The following AGBL4 variants were observed in gnomAD, a reference collection of about 807,000 sequenced individuals.
AGBL4 encodes cytosolic carboxypeptidase 6.
A neutral mutation model predicts 66.4 loss-of-function variants in AGBL4; 58 were observed. The observed-to-expected ratio is 0.87, with a 90% CI of 0.71 to 1.09. AGBL4 has a LOEUF of 1.09. Among genes scored for constraint, AGBL4 ranks in the 50% least tolerant of loss-of-function variants. The pLI, the probability that AGBL4 is intolerant of heterozygous loss-of-function variation, is 0.00. For synonymous variants in AGBL4, 234 were observed against 222.9 expected (o/e 1.05, Z -0.44); for missense variants, 579 against 631.0 (o/e 0.92, Z 0.88).
chr1:49,568,122 AT>A (rs1237731362), intron 3 of AGBL4, among the ~76,000 whole-genome samples: 5 of 152,090 alleles, frequency 3.3e-5, no homozygotes, highest in African/African-American at 1.2e-4. Flanking sequence ...CCTAGATAGT[AT>A]TGGAATACCT....
intron 3 of AGBL4, among the ~76,000 whole-genome samples, chr1:49,674,931 G>T (rs914937621): frequency 6.6e-6 from 1 of 152,132 alleles, no homozygotes; most frequent in African/African-American, 2.4e-5. Flanking sequence ...TTTGTAATGA[G>T]CTTTTGACAT....
intron 3 of AGBL4, among the ~76,000 whole-genome samples, chr1:49,652,837 C>G (rs1646036255): frequency 1.3e-5 from 2 of 152,140 alleles, no homozygotes; most frequent in Admixed American, 1.3e-4. Flanking sequence ...GAGAGAAGCT[C>G]CTAGGAAGAG....
At chr1:49,183,218 C>T (rs758024968) in intron 4 of AGBL4, among the ~76,000 whole-genome samples, 5 of 152,040 alleles carry the variant, frequency 3.3e-5, no homozygotes, top group Non-Finnish European at 5.9e-5. Flanking sequence ...AGACGGAATT[C>T]GAGGAGAGAC....
At chr1:49,710,205 G>A (rs1356511543) in intron 2 of AGBL4, among the ~76,000 whole-genome samples, 1 of 152,108 alleles carries the variant, frequency 6.6e-6, no homozygotes. Context: ...GCCCATCAAT[G>A]GTAGACTGGA....
intron 3 of AGBL4, among the ~76,000 whole-genome samples, chr1:49,460,965 T>C (rs1223079766): frequency 6.6e-6 from 1 of 151,760 alleles, no homozygotes; most frequent in Non-Finnish European, 1.5e-5. Flanking sequence ...CTGAGAAATC[T>C]GCTGTTAATC....
chr1:49,149,460 A>C (rs1646283700), intron 4 of AGBL4, among the ~76,000 whole-genome samples: 1 of 152,174 alleles, frequency 6.6e-6, no homozygotes, highest in Non-Finnish European at 1.5e-5. Context: ...GGCAGTTAAC[A>C]TTGTGCAGTG....
At chr1:48,576,561 G>A (rs1176404821) in intron 11 of AGBL4, among the ~76,000 whole-genome samples, 2 of 152,114 alleles carry the variant, frequency 1.3e-5, no homozygotes, top group Non-Finnish European at 2.9e-5. Context: ...CCTGGTTTTG[G>A]CACAGAGTCC....
At chr1:49,695,928 T>A (rs546380551) in intron 3 of AGBL4, among the ~76,000 whole-genome samples, 1 of 151,798 alleles carries the variant, frequency 6.6e-6, no homozygotes, top group South Asian at 2.1e-4. Context: ...AGGCTCAGAG[T>A]CCCTAAATTC....
chr1:48,771,079 A>C (rs963486497), intron 6 of AGBL4, among the ~76,000 whole-genome samples: 1 of 152,216 alleles, frequency 6.6e-6, no homozygotes, highest in Admixed American at 6.5e-5. Context: ...TATTTATAAC[A>C]TATTTGGTAG....
chr1:49,651,177 T>C (rs1645997157), intron 3 of AGBL4, among the ~76,000 whole-genome samples: 1 of 152,134 alleles, frequency 6.6e-6, no homozygotes, highest in African/African-American at 2.4e-5. Flanking sequence ...AGCACAAGTC[T>C]ATTAATTGAA....
intron 3 of AGBL4, among the ~76,000 whole-genome samples, chr1:49,460,021 T>A (rs1406375998): frequency 6.6e-6 from 1 of 151,832 alleles, no homozygotes; most frequent in African/African-American, 2.4e-5. Context: ...TGAGACTTGT[T>A]TTGTGCCCTA....
At chr1:49,039,666 CT>C (rs1177495840) in intron 5 of AGBL4, among the ~76,000 whole-genome samples, 1 of 152,050 alleles carries the variant, frequency 6.6e-6, no homozygotes, top group Non-Finnish European at 1.5e-5. Flanking sequence ...TCGGCCCTTA[CT>C]TTATTCCACA....
rs532297771 is a variant in AGBL4 at position 48,533,414 on chromosome 1, G to A, written c.*759C>T. 6.6e-6 allele frequency: 1 copy of A among 152,320 alleles called. No individual in the cohort carries two copies. Among genetic ancestry groups the A allele is most frequent in the African/African-American group, 2.4e-5 (1 of 41,550 alleles). 9.4% of individuals were successfully genotyped at this position (152,320 alleles called of 1,614,324 possible). ...CCTTTCCTCATTGCAGATTAGCAAT[G>A]CCTACATCTTCAGGGGCCAGGCTTA... On this transcript the variant is annotated 3_prime_UTR_variant, in exon 14 of 14. Coordinates refer to ENST00000371839, the MANE Select transcript of AGBL4 (RefSeq NM_032785.4).
intron 3 of AGBL4, among the ~76,000 whole-genome samples, chr1:49,252,524 A>G (rs1358595820): frequency 1.3e-5 from 2 of 152,348 alleles, no homozygotes; most frequent in Admixed American, 1.3e-4. Context: ...CAACTTATCT[A>G]GAGAGACCAA....
At chr1:49,028,067 T>C (rs564214311) in intron 5 of AGBL4, among the ~76,000 whole-genome samples, 4 of 152,312 alleles carry the variant, frequency 2.6e-5, no homozygotes, top group Admixed American at 1.3e-4. Flanking sequence ...TGGAACAGCT[T>C]GTAGTGAAAT....
chr1:49,399,429 C>A lies in AGBL4; in HGVS notation c.283-153565G>T, dbSNP rs547981626. The stretch of plus-strand genomic sequence containing the variant: ...TTGGAGAAACCTCCAAATTGTTCTC[C>A]ATAGTGGTTGTATTAATTTACATTC... On this transcript the variant is annotated intron_variant, in intron 3 of 13. Coordinates refer to ENST00000371839, the MANE Select transcript of AGBL4 (RefSeq NM_032785.4). Among the ~76,000 whole-genome samples the A allele has an allele frequency of 3.3e-5, 5 of 152,158 alleles. No individual in the cohort carries two copies. The South Asian group carries it at 1.0e-3, about 32-fold the overall frequency.
At chr1:48,605,601 C>T (rs1419549791) in intron 9 of AGBL4, among the ~76,000 whole-genome samples, 2 of 152,188 alleles carry the variant, frequency 1.3e-5, no homozygotes, top group Non-Finnish European at 2.9e-5. Flanking sequence ...CTCTATTTCT[C>T]CCACTGGACC....
intron 6 of AGBL4, among the ~76,000 whole-genome samples, chr1:48,790,585 T>TC (rs1645526782): frequency 6.6e-6 from 1 of 152,168 alleles, no homozygotes; most frequent in African/African-American, 2.4e-5. Flanking sequence ...GATGATGATT[T>TC]CCCCAAAGTC....
intron 3 of AGBL4, among the ~76,000 whole-genome samples, chr1:49,419,737 T>C (rs1645502565): frequency 6.6e-6 from 1 of 152,112 alleles, no homozygotes; most frequent in Non-Finnish European, 1.5e-5. Context: ...AGGTAATAAT[T>C]CCCTGTGAAC....
Sources: allele counts gnomAD v4.1 joint callset (sites outside exome capture counted in the v4.1 genomes callset), GRCh38; gene constraint gnomAD v4.1.1; transcripts MANE v1.5; gene names NCBI Gene and HGNC (gene_info 2026-07-23, HGNC 2026-07-21).